The following KCNT2 variants were observed in gnomAD, a reference collection of about 807,000 sequenced individuals.
KCNT2 encodes the protein potassium sodium-activated channel subfamily T member 2.
KCNT2 carries 67 observed loss-of-function variants against 153.8 expected under a neutral mutation model. The observed-to-expected ratio is 0.44, with a 90% CI of 0.36 to 0.53. The LOEUF is 0.53. KCNT2 is among the 20% of genes least tolerant of loss of function. KCNT2 has a pLI of 0.00. For synonymous variants in KCNT2, 500 were observed against 458.8 expected, an observed-to-expected ratio of 1.09 and a Z score of -1.15; for missense variants, 975 against 1,354.8, an observed-to-expected ratio of 0.72 and a Z score of 4.40.
intron 14 of KCNT2, among the ~76,000 whole-genome samples, chr1:196,367,185 T>G (rs1668113050): frequency 6.6e-6 from 1 of 152,156 alleles, no homozygotes; most frequent in South Asian, 2.1e-4. Context: ...ATATGACTTG[T>G]TTTGGTTTGT....
chr1:196,290,389 A>C (rs1253480720), intron 22 of KCNT2, among the ~76,000 whole-genome samples: 1 of 151,972 alleles, frequency 6.6e-6, no homozygotes, highest in African/African-American at 2.4e-5. Context: ...TCCTTTATGA[A>C]CCTCAGGATA....
intron 5 of KCNT2, among the ~76,000 whole-genome samples, chr1:196,476,058 A>C (rs1438511585): frequency 6.6e-6 from 1 of 152,214 alleles, no homozygotes; most frequent in Non-Finnish European, 1.5e-5. Flanking sequence ...ATTATCTTGA[A>C]TCAATATGTG....
At chr1:196,480,750 G>A (rs1331592671) in intron 4 of KCNT2, among the ~76,000 whole-genome samples, 3 of 150,786 alleles carry the variant, frequency 2.0e-5, no homozygotes, top group South Asian at 2.1e-4. Flanking sequence ...CAGCTACTCC[G>A]GAGGCTGAGG....
At chr1:196,581,489 T>A (rs369916923) in intron 1 of KCNT2, among the ~76,000 whole-genome samples, 1 of 151,938 alleles carries the variant, frequency 6.6e-6, no homozygotes, top group East Asian at 1.9e-4. Context: ...TGCCACCGGG[T>A]GAATATTGCC....
chr1:196,467,218 G>C (rs1170183871), intron 7 of KCNT2, among the ~76,000 whole-genome samples: 1 of 152,054 alleles, frequency 6.6e-6, no homozygotes, highest in Non-Finnish European at 1.5e-5. Flanking sequence ...GATTGGCTAA[G>C]TGGTTGAACC....
intron 1 of KCNT2, among the ~76,000 whole-genome samples, chr1:196,519,988 CACA>C (rs1653134424): frequency 6.6e-6 from 1 of 151,916 alleles, no homozygotes; most frequent in African/African-American, 2.4e-5. Flanking sequence ...CTGGCAGAGG[CACA>C]ACAACAACAG....
At chr1:196,451,210 C>G (rs1319313422) in intron 8 of KCNT2, among the ~76,000 whole-genome samples, 1 of 132,048 alleles carries the variant, frequency 7.6e-6, no homozygotes, top group Non-Finnish European at 1.6e-5. Flanking sequence ...CCTCTTAATC[C>G]CTCTTTCTTT....
chr1:196,451,692 C>T (rs1463258887), intron 8 of KCNT2, among the ~76,000 whole-genome samples: 1 of 151,566 alleles, frequency 6.6e-6, no homozygotes, highest in Non-Finnish European at 1.5e-5. Context: ...CTCAATAAGA[C>T]ACTCTCTTTT....
intron 1 of KCNT2, among the ~76,000 whole-genome samples, chr1:196,513,494 G>T (rs1164417176): frequency 6.6e-6 from 1 of 152,174 alleles, no homozygotes; most frequent in South Asian, 2.1e-4. Context: ...AGCACACTAT[G>T]ATATCGCTTT....
At chr1:196,434,140 A>G (rs1674409679) in intron 8 of KCNT2, among the ~76,000 whole-genome samples, 1 of 152,004 alleles carries the variant, frequency 6.6e-6, no homozygotes, top group Admixed American at 6.6e-5. Flanking sequence ...ACTAATTACG[A>G]GAATATTCAA....
intron 20 of KCNT2, 24 bp from the exon 21 acceptor site, chr1:196,316,050 A>C: frequency 6.2e-7 from 1 of 1,602,958 alleles, no homozygotes; most frequent in South Asian, 1.1e-5. Flanking sequence ...CAACAGAGAA[A>C]AACAAACATT....
At chr1:196,374,929 T>C (rs1668829875) in intron 13 of KCNT2, among the ~76,000 whole-genome samples, 1 of 151,878 alleles carries the variant, frequency 6.6e-6, no homozygotes, top group African/African-American at 2.4e-5. Context: ...ATTTGGAAGG[T>C]ATGATTACCA....
At chr1:196,414,637 T>C (rs1672607551) in intron 12 of KCNT2, among the ~76,000 whole-genome samples, 1 of 151,932 alleles carries the variant, frequency 6.6e-6, no homozygotes, top group African/African-American at 2.4e-5. Flanking sequence ...TTATTCTCAC[T>C]ACTTACCAGT....
At chr1:196,334,579 C>T (rs1424269649) in intron 16 of KCNT2, among the ~76,000 whole-genome samples, 1 of 148,160 alleles carries the variant, frequency 6.7e-6, no homozygotes, top group South Asian at 2.2e-4. Flanking sequence ...GGTTCAAGCG[C>T]CCCCTTTTCT....
At chr1:196,302,441 A>T (rs533960918) in intron 22 of KCNT2, among the ~76,000 whole-genome samples, 1 of 152,302 alleles carries the variant, frequency 6.6e-6, no homozygotes, top group African/African-American at 2.4e-5. Context: ...TTATTGCCTT[A>T]CAGTCATGGA....
At chr1:196,577,839 A>G (rs1437805274) in intron 1 of KCNT2, among the ~76,000 whole-genome samples, 2 of 152,182 alleles carry the variant, frequency 1.3e-5, no homozygotes, top group Admixed American at 6.6e-5. Flanking sequence ...ATTTATGGAA[A>G]TCCAAAATAT....
intron 13 of KCNT2, among the ~76,000 whole-genome samples, chr1:196,397,361 T>C (rs1572300098): frequency 6.6e-6 from 1 of 151,684 alleles, no homozygotes; most frequent in African/African-American, 2.4e-5. Flanking sequence ...TGAATGCTAA[T>C]GATATACGTA....
intron 1 of KCNT2, among the ~76,000 whole-genome samples, chr1:196,596,056 G>GTATATATATA (rs1174131733): frequency 0.011 from 47 of 4,294 alleles, 1 homozygote; most frequent in African/African-American, 0.012. Flanking sequence ...TCCATGATGT[G>GTATATATATA]TATATATATA....
intron 13 of KCNT2, among the ~76,000 whole-genome samples, chr1:196,375,594 T>C (rs556690839): frequency 2.0e-5 from 3 of 151,730 alleles, no homozygotes; most frequent in Non-Finnish European, 4.4e-5. Context: ...TGTTTACATA[T>C]TAAAAAAACA....
Sources: allele counts gnomAD v4.1 joint callset (sites outside exome capture counted in the v4.1 genomes callset), GRCh38; gene constraint gnomAD v4.1.1; transcripts MANE v1.5; gene names NCBI Gene and HGNC (gene_info 2026-07-23, HGNC 2026-07-21).